SORCS1: variants seen among roughly 807,000 people sequenced by gnomAD.
SORCS1 encodes VPS10 domain-containing receptor SorCS1.
SORCS1 carries 60 observed loss-of-function variants against 146.1 expected under a neutral mutation model. The ratio of observed to expected loss-of-function variants is 0.41; its 90% CI spans 0.33 to 0.51. The LOEUF (loss-of-function observed/expected upper bound fraction) is 0.51. Ranked by LOEUF, SORCS1 falls within the 20% of genes least tolerant of loss-of-function variation. The pLI is 0.21. For missense variants in SORCS1, 1,352 were observed against 1,487.6 expected, an observed-to-expected ratio of 0.91 and a Z score of 1.50; for synonymous variants, 637 against 584.0, an observed-to-expected ratio of 1.09 and a Z score of -1.31.
chr10:107,023,709 C>A (rs577717603), intron 1 of SORCS1, among the ~76,000 whole-genome samples: 1 of 151,982 alleles, frequency 6.6e-6, no homozygotes, highest in Non-Finnish European at 1.5e-5. Context: ...GAACCTCAGT[C>A]AAGCAAGGAA....
At chr10:107,019,859 G>C (rs916303959) in intron 1 of SORCS1, among the ~76,000 whole-genome samples, 8 of 152,256 alleles carry the variant, frequency 5.3e-5, no homozygotes, top group African/African-American at 1.9e-4. Flanking sequence ...CTGCAGAGAA[G>C]TCTGTTGGAT....
chr10:106,789,521 C>A (rs755930717), intron 3 of SORCS1, among the ~76,000 whole-genome samples: 1 of 152,218 alleles, frequency 6.6e-6, no homozygotes, highest in African/African-American at 2.4e-5. Flanking sequence ...GGGCAAAATG[C>A]CACCAGTCTC....
intron 1 of SORCS1, among the ~76,000 whole-genome samples, chr10:106,962,877 C>T (rs1323833892): frequency 6.6e-6 from 1 of 152,158 alleles, no homozygotes; most frequent in Non-Finnish European, 1.5e-5. Context: ...CTTTGTCCTG[C>T]TCCCACCATC....
chr10:106,734,120 A>T (rs1856792414), intron 5 of SORCS1, among the ~76,000 whole-genome samples: 1 of 152,192 alleles, frequency 6.6e-6, no homozygotes, highest in African/African-American at 2.4e-5. Context: ...TTTGTCTAGG[A>T]TATTTTAATT....
chr10:106,629,233 A>G lies in SORCS1; in HGVS notation c.2631T>C (p.Ser877=). 1 of 1,614,062 alleles carries G rather than the reference A, an allele frequency of 6.2e-7. No homozygotes were observed. Among genetic ancestry groups the G allele is most frequent in the Non-Finnish European group, 8.5e-7 (1 of 1,179,968 alleles). Residue 877 remains serine (S), a synonymous_variant, in exon 19 of 26, where the codon TCT becomes TCC. Coordinates refer to ENST00000263054, the MANE Select transcript of SORCS1 (RefSeq NM_052918.5). ...VTVQVDNSLG[S]DSAVLYLHVT... ...CATGTAAGTACAGGACGGCGCTGTC[A>G]GAACCCAGACTGTTGTCCACCTGCA... is the stretch of plus-strand genomic sequence containing the variant.
intron 2 of SORCS1, among the ~76,000 whole-genome samples, chr10:106,840,020 A>G (rs533646744): frequency 5.3e-5 from 8 of 152,342 alleles, no homozygotes; most frequent in South Asian, 2.1e-4. Context: ...ATGGAGATGT[A>G]CAAGGAAATG....
At chr10:106,823,492 T>C (rs1003778139) in intron 3 of SORCS1, among the ~76,000 whole-genome samples, 2 of 152,232 alleles carry the variant, frequency 1.3e-5, no homozygotes, top group Non-Finnish European at 2.9e-5. Context: ...AGTTTCAGCC[T>C]AGGAGTCCAA....
At chr10:106,746,621 T>G (rs932908478) in intron 5 of SORCS1, among the ~76,000 whole-genome samples, 1 of 152,254 alleles carries the variant, frequency 6.6e-6, no homozygotes, top group Non-Finnish European at 1.5e-5. Context: ...GTTGTTTTAG[T>G]GGCTCTTATT....
chr10:106,893,044 G>A (rs1346062709), intron 2 of SORCS1, among the ~76,000 whole-genome samples: 2 of 151,280 alleles, frequency 1.3e-5, no homozygotes, highest in Non-Finnish European at 2.9e-5. Flanking sequence ...ACATGTGCCC[G>A]CCACCACGCC....
At chr10:106,758,313 A>G (rs1288062212) in intron 5 of SORCS1, among the ~76,000 whole-genome samples, 1 of 152,168 alleles carries the variant, frequency 6.6e-6, no homozygotes, top group Middle Eastern at 3.2e-3. Flanking sequence ...TATATGTACC[A>G]TTTACATGGG....
chr10:106,959,997 A>T (rs557011434), intron 1 of SORCS1, among the ~76,000 whole-genome samples: 2 of 152,348 alleles, frequency 1.3e-5, no homozygotes, highest in South Asian at 4.1e-4. Flanking sequence ...AATGCATATG[A>T]ACATATATAC....
chr10:106,795,114 A>G (rs1034516281), intron 3 of SORCS1, among the ~76,000 whole-genome samples: 1 of 152,228 alleles, frequency 6.6e-6, no homozygotes, highest in African/African-American at 2.4e-5. Flanking sequence ...AGTGAAATTA[A>G]AAGTTCTAAC....
chr10:106,686,314 G>A (rs1852833034), intron 10 of SORCS1, among the ~76,000 whole-genome samples: 1 of 152,152 alleles, frequency 6.6e-6, no homozygotes, highest in African/African-American at 2.4e-5. Context: ...CACTGCGTTG[G>A]GGGTGAAGCA....
intron 2 of SORCS1, among the ~76,000 whole-genome samples, chr10:106,929,649 T>A (rs1564822011): frequency 6.6e-6 from 1 of 152,128 alleles, no homozygotes; most frequent in Non-Finnish European, 1.5e-5. Context: ...TAGCCTGAGT[T>A]TATGGGAAAT....
At chr10:106,917,540 ACT>A (rs1454026233) in intron 2 of SORCS1, among the ~76,000 whole-genome samples, 1 of 151,946 alleles carries the variant, frequency 6.6e-6, no homozygotes, top group Non-Finnish European at 1.5e-5. Context: ...AGGACAGATG[ACT>A]CTTTTTCATG....
chr10:107,076,914 T>C (rs1306044253), intron 1 of SORCS1, among the ~76,000 whole-genome samples: 1 of 152,182 alleles, frequency 6.6e-6, no homozygotes, highest in Non-Finnish European at 1.5e-5. Flanking sequence ...GTTGATTCAA[T>C]ATATTTAACT....
intron 24 of SORCS1, among the ~76,000 whole-genome samples, chr10:106,596,579 AC>A (rs1020271715): frequency 6.6e-6 from 1 of 152,184 alleles, no homozygotes; most frequent in Non-Finnish European, 1.5e-5. Flanking sequence ...AAGCTCAATG[AC>A]ATTAAGTAAA....
intron 1 of SORCS1, among the ~76,000 whole-genome samples, chr10:106,992,206 A>T (rs1055902068): frequency 2.0e-5 from 3 of 152,200 alleles, no homozygotes; most frequent in African/African-American, 4.8e-5. Flanking sequence ...AAGCACAGGC[A>T]TGGTGGACAA....
At chr10:106,976,211 G>GC (rs1955993440) in intron 1 of SORCS1, among the ~76,000 whole-genome samples, 1 of 134,360 alleles carries the variant, frequency 7.4e-6, no homozygotes, top group South Asian at 2.4e-4. Context: ...TGCTTCATCT[G>GC]TTTTTTTTTT....
Sources: gnomAD v4.1 joint callset for allele counts (sites outside exome capture counted in the v4.1 genomes callset) on GRCh38, gnomAD v4.1.1 for gene constraint, MANE v1.5 for transcripts, NCBI Gene and HGNC (gene_info 2026-07-23, HGNC 2026-07-21) for gene names.